Variants in CSMD1 observed in about 807,000 individuals in gnomAD.
CSMD1 encodes the protein CUB and sushi domain-containing protein 1.
A neutral mutation model predicts 417.5 loss-of-function variants in CSMD1; 213 were observed. The observed-to-expected ratio is 0.51, with a 90% CI of 0.46 to 0.57. The LOEUF (loss-of-function observed/expected upper bound fraction) is 0.57, where lower values mean the gene tolerates loss of function less well. CSMD1 is among the 20% of genes least tolerant of loss of function. The pLI is 0.00. For missense variants in CSMD1, 6,923 were observed against 4,529.7 expected, an observed-to-expected ratio of 1.53 and a Z score of -15.17; for synonymous variants, 2,862 against 1,736.8, an observed-to-expected ratio of 1.65 and a Z score of -16.11.
chr8:3,947,691 T>A (rs947430398), intron 5 of CSMD1, among the ~76,000 whole-genome samples: 3 of 152,206 alleles, frequency 2.0e-5, no homozygotes, highest in Non-Finnish European at 4.4e-5. Flanking sequence ...TAACATAGTA[T>A]CAAACATTTT....
intron 7 of CSMD1, among the ~76,000 whole-genome samples, chr8:3,654,205 C>A (rs1366562012): frequency 6.6e-6 from 1 of 152,138 alleles, no homozygotes; most frequent in Non-Finnish European, 1.5e-5. Context: ...TAATATTTAC[C>A]TTCAGTTTGA....
chr8:4,661,993 T>C (rs1220617962), intron 1 of CSMD1, among the ~76,000 whole-genome samples: 3 of 152,186 alleles, frequency 2.0e-5, no homozygotes, highest in African/African-American at 7.2e-5. Flanking sequence ...AATTTTGCTC[T>C]ATTAGCAATG....
chr8:3,553,816 TATA>T (rs1397410974), intron 10 of CSMD1, among the ~76,000 whole-genome samples: 3 of 152,212 alleles, frequency 2.0e-5, no homozygotes, highest in African/African-American at 7.2e-5. Flanking sequence ...ACAGAATATT[TATA>T]ATATTTGTAT....
intron 3 of CSMD1, among the ~76,000 whole-genome samples, chr8:4,245,730 C>T (rs1027400839): frequency 9.2e-5 from 14 of 152,086 alleles, no homozygotes; most frequent in Non-Finnish European, 1.2e-4. Context: ...AAGATATACA[C>T]TTCTTGGTGA....
intron 3 of CSMD1, among the ~76,000 whole-genome samples, chr8:4,069,142 A>G (rs577802018): frequency 6.6e-6 from 1 of 152,340 alleles, no homozygotes; most frequent in East Asian, 1.9e-4. Flanking sequence ...TATTGTTCAT[A>G]GGAGACTGGT....
intron 3 of CSMD1, among the ~76,000 whole-genome samples, chr8:4,164,913 A>C (rs1286998757): frequency 6.6e-6 from 1 of 151,668 alleles, no homozygotes. Context: ...GTATATATAT[A>C]GTTTGATAGT....
intron 3 of CSMD1, among the ~76,000 whole-genome samples, chr8:4,167,059 G>A (rs999458546): frequency 1.3e-4 from 20 of 152,018 alleles, no homozygotes; most frequent in African/African-American, 4.8e-4. Flanking sequence ...AACAAACGGG[G>A]AGGAGAAAAA....
intron 6 of CSMD1, among the ~76,000 whole-genome samples, chr8:3,714,763 T>C (rs979544527): frequency 4.9e-4 from 74 of 151,802 alleles, no homozygotes; most frequent in African/African-American, 1.7e-3. Flanking sequence ...AACACAAGAA[T>C]TTTTTTAATG....
intron 3 of CSMD1, among the ~76,000 whole-genome samples, chr8:4,189,043 TTTTA>T (rs1242915154): frequency 2.0e-5 from 3 of 152,146 alleles, no homozygotes; most frequent in African/African-American, 4.8e-5. Flanking sequence ...AAAGCCCAGG[TTTTA>T]TTTGTTATAA....
chr8:4,179,786 T>C (rs1798253785), intron 3 of CSMD1, among the ~76,000 whole-genome samples: 1 of 152,034 alleles, frequency 6.6e-6, no homozygotes, highest in Non-Finnish European at 1.5e-5. Flanking sequence ...CAGACACTTC[T>C]CAAAAGAAGA....
At chr8:3,998,791 T>C (rs1410952469) in intron 4 of CSMD1, among the ~76,000 whole-genome samples, 1 of 151,642 alleles carries the variant, frequency 6.6e-6, no homozygotes, top group Non-Finnish European at 1.5e-5. Flanking sequence ...TTGGTAAGTT[T>C]GCTATAGAGT....
Position 4,215,136 on chromosome 8 carries a change from T to G in CSMD1, c.416-183037A>C, listed in dbSNP as rs1021528941. ...GGTCTCAGTTCTCAGGGTGCCAACCTAGGGAGAGGGGACGCATCCCAAACA... is the reference window on the plus strand; with the variant it reads ...GGTCTCAGTTCTCAGGGTGCCAACCGAGGGAGAGGGGACGCATCCCAAACA... On this transcript the variant is annotated intron_variant, in intron 3 of 69. Coordinates refer to ENST00000635120, the MANE Select transcript of CSMD1 (RefSeq NM_033225.6). Among the ~76,000 whole-genome samples the G allele has an allele frequency of 2.0e-5, 3 of 152,106 alleles. No individual in the cohort carries two copies. The South Asian group carries it at 6.2e-4, about 32-fold the overall frequency.
At chr8:3,547,866 T>A (rs1455139956) in intron 10 of CSMD1, among the ~76,000 whole-genome samples, 4 of 152,216 alleles carry the variant, frequency 2.6e-5, no homozygotes, top group African/African-American at 9.6e-5. Context: ...GGTCATTTTT[T>A]AAAATGTCAT....
At chr8:4,971,888 T>G (rs572438230) in intron 1 of CSMD1, among the ~76,000 whole-genome samples, 2 of 152,030 alleles carry the variant, frequency 1.3e-5, no homozygotes, top group Non-Finnish European at 2.9e-5. Context: ...AGCTCAGAAA[T>G]AGTAGTAGGT....
At chr8:4,988,672 G>A (rs1033795444) in intron 1 of CSMD1, among the ~76,000 whole-genome samples, 1 of 152,180 alleles carries the variant, frequency 6.6e-6, no homozygotes, top group Non-Finnish European at 1.5e-5. Context: ...GATATTTGAA[G>A]ATAAATAAAC....
intron 12 of CSMD1, among the ~76,000 whole-genome samples, chr8:3,467,199 T>G (rs1585207370): frequency 6.6e-6 from 1 of 152,220 alleles, no homozygotes; most frequent in Non-Finnish European, 1.5e-5. Context: ...TACTTATGTC[T>G]CTTCATAGTC....
At chr8:3,038,221 C>T (rs998706722) in intron 50 of CSMD1, among the ~76,000 whole-genome samples, 2 of 152,192 alleles carry the variant, frequency 1.3e-5, no homozygotes, top group African/African-American at 4.8e-5. Context: ...TCACCTCATC[C>T]AGTTAGTGAT....
intron 1 of CSMD1, among the ~76,000 whole-genome samples, chr8:4,765,096 C>G (rs956104209): frequency 7.2e-5 from 11 of 152,108 alleles, no homozygotes; most frequent in Admixed American, 7.2e-4. Context: ...AACGCATGGG[C>G]TCATTCACTG....
intron 5 of CSMD1, among the ~76,000 whole-genome samples, chr8:3,827,605 C>G (rs556396965): frequency 1.3e-5 from 2 of 152,304 alleles, no homozygotes; most frequent in African/African-American, 2.4e-5. Context: ...ATGAAATGAA[C>G]TATTCATATG....
Sources: gnomAD v4.1 joint callset for allele counts (sites outside exome capture counted in the v4.1 genomes callset) on GRCh38, gnomAD v4.1.1 for gene constraint, MANE v1.5 for transcripts, NCBI Gene and HGNC (gene_info 2026-07-23, HGNC 2026-07-21) for gene names.